Variants in HS3ST5 observed in about 807,000 individuals in gnomAD.
The protein encoded by HS3ST5 is heparan sulfate glucosamine 3-O-sulfotransferase 5.
HS3ST5 carries 10 observed loss-of-function variants against 25.4 expected under a neutral mutation model. That is an observed-to-expected ratio of 0.39 (90% CI 0.24 to 0.67). The LOEUF (loss-of-function observed/expected upper bound fraction) is 0.67. Among genes scored for constraint, HS3ST5 ranks in the 30% least tolerant of loss-of-function variants. The pLI is 0.44. For synonymous variants in HS3ST5, 170 were observed against 162.4 expected, an observed-to-expected ratio of 1.05 and a Z score of -0.36; for missense variants, 324 against 420.7, an observed-to-expected ratio of 0.77 and a Z score of 2.01.
intron 3 of HS3ST5, among the ~76,000 whole-genome samples, chr6:114,104,153 T>C (rs917004806): frequency 2.0e-5 from 3 of 152,162 alleles, no homozygotes; most frequent in African/African-American, 7.2e-5. Flanking sequence ...GACAGATAAG[T>C]GACAGGTCTT....
intron 3 of HS3ST5, among the ~76,000 whole-genome samples, chr6:114,130,457 G>A (rs1777270468): frequency 6.6e-6 from 1 of 152,234 alleles, no homozygotes. Flanking sequence ...AAAATCTGGG[G>A]TGGGAGATGG....
intron 1 of HS3ST5, among the ~76,000 whole-genome samples, chr6:114,293,552 T>A (rs1774677851): frequency 6.6e-6 from 1 of 152,158 alleles, no homozygotes; most frequent in African/African-American, 2.4e-5. Flanking sequence ...GAGTAGGAAG[T>A]GACAAGGTCC....
rs182820420 is a variant in HS3ST5, at chr6:114,138,267, C to T, written c.-33+30084G>A. 3.9e-3 allele frequency among the ~76,000 whole-genome samples: 589 copies of T among 152,250 alleles called. 6 individuals carry two copies. The highest frequency in any genetic ancestry group is 3.0e-3 in the Non-Finnish European group (202 of 68,010). On this transcript the variant is annotated intron_variant, in intron 3 of 4. Transcript: ENST00000312719. ...GATCTCATAAAGTGATGGATATTGC[C>T]TTCATCTGTTGACTTGAAAAAATCA...
In HS3ST5 at chr6:114,195,886, A is replaced by G. The variant is rs115741474; in HGVS notation, c.-144-27424T>C. ...AGGCCTTGTCTAAGACATGCCCTCA[A>G]TGGAAAATTCCATCCTCTAATACAT... On this transcript the variant is annotated intron_variant, in intron 2 of 4. Transcript: ENST00000312719. Among the ~76,000 whole-genome samples the G allele has an allele frequency of 5.7e-3, 872 of 152,264 alleles. 7 individuals carry two copies. Among genetic ancestry groups the G allele is most frequent in the African/African-American group, 0.02 (837 of 41,562 alleles).
chr6:114,238,013 T>G (rs1771936971), intron 1 of HS3ST5, among the ~76,000 whole-genome samples: 1 of 152,232 alleles, frequency 6.6e-6, no homozygotes, highest in Admixed American at 6.5e-5. Context: ...AATCCTAAGC[T>G]TTTAAAAATT....
chr6:114,314,628 T>C (rs1775675448), intron 1 of HS3ST5, among the ~76,000 whole-genome samples: 1 of 152,220 alleles, frequency 6.6e-6, no homozygotes, highest in African/African-American at 2.4e-5. Flanking sequence ...CTTTTGTGTG[T>C]ATGCTCTTTT....
chr6:114,231,483 T>G (rs1771587263), intron 1 of HS3ST5: 1 of 152,202 alleles, frequency 6.6e-6, no homozygotes, highest in Non-Finnish European at 1.5e-5. Flanking sequence ...TCTCAGGCAT[T>G]TCTTTATAGC....
intron 1 of HS3ST5, among the ~76,000 whole-genome samples, chr6:114,306,254 TATACAC>T (rs1775286263): frequency 1.8e-5 from 2 of 112,736 alleles, no homozygotes; most frequent in African/African-American, 4.1e-5. Flanking sequence ...TATATATATA[TATACAC>T]ACACACACAC....
At chr6:114,281,129 C>T (rs1426683893) in intron 1 of HS3ST5, among the ~76,000 whole-genome samples, 1 of 151,930 alleles carries the variant, frequency 6.6e-6, no homozygotes, top group Non-Finnish European at 1.5e-5. Context: ...GACCATTTCC[C>T]CAAATAACGT....
intron 3 of HS3ST5, among the ~76,000 whole-genome samples, chr6:114,132,998 A>T (rs1777417114): frequency 6.6e-6 from 1 of 152,012 alleles, no homozygotes; most frequent in African/African-American, 2.4e-5. Flanking sequence ...CAACCCTCTG[A>T]TTTCATCTTT....
At chr6:114,329,783 T>C (rs1776316156) in intron 1 of HS3ST5, among the ~76,000 whole-genome samples, 2 of 152,188 alleles carry the variant, frequency 1.3e-5, no homozygotes, top group South Asian at 2.1e-4. Context: ...AACACTCCAA[T>C]AGTCCTTGTG....
At chr6:114,183,995 T>G (rs11153471) in intron 2 of HS3ST5, among the ~76,000 whole-genome samples, 32,453 of 151,402 alleles carry the variant, frequency 0.21, 3,530 homozygotes, top group East Asian at 0.25. Flanking sequence ...AATTTGCAAG[T>G]AATGAAATAG....
intron 3 of HS3ST5, among the ~76,000 whole-genome samples, chr6:114,165,393 C>T (rs994047155): frequency 1.3e-5 from 2 of 152,170 alleles, no homozygotes; most frequent in African/African-American, 4.8e-5. Context: ...GGGCTTTCTA[C>T]ATCTTTGGTC....
intron 4 of HS3ST5, among the ~76,000 whole-genome samples, chr6:114,061,071 G>C (rs1773088501): frequency 6.6e-6 from 1 of 152,054 alleles, no homozygotes; most frequent in Admixed American, 6.6e-5. Context: ...CTTTTAGAAA[G>C]CCCACCAAAC....
intron 2 of HS3ST5, among the ~76,000 whole-genome samples, chr6:114,173,584 C>T (rs1238257707): frequency 6.6e-6 from 1 of 152,152 alleles, no homozygotes; most frequent in Non-Finnish European, 1.5e-5. Context: ...GCTGGCTGGG[C>T]ACGGTGGCTC....
chr6:114,082,030 C>T (rs971356376), intron 3 of HS3ST5, among the ~76,000 whole-genome samples: 4 of 152,180 alleles, frequency 2.6e-5, no homozygotes, highest in African/African-American at 9.7e-5. Context: ...ATTTTTCCCT[C>T]CCAGCCCTTG....
At position 114,113,715 on chromosome 6, in the gene HS3ST5, G is replaced by A. The variant is rs540088412; in HGVS notation, c.-32-50838C>T. 6.6e-4 allele frequency among the ~76,000 whole-genome samples: 101 copies of A among 151,976 alleles called. 3 individuals carry two copies. In the East Asian group the frequency reaches 0.018, roughly 27 times the overall value. On this transcript the variant is annotated intron_variant, in intron 3 of 4. Transcript: ENST00000312719. ...ATTATCTGCCTGCCCCCACCAGAAT[G>A]CCTGGCATATAGTGTTTCAATAATT...
At chr6:114,122,797 G>T (rs1478289665) in intron 3 of HS3ST5, among the ~76,000 whole-genome samples, 1 of 152,142 alleles carries the variant, frequency 6.6e-6, no homozygotes, top group African/African-American at 2.4e-5. Context: ...TGACTTGTAG[G>T]TCATAACATT....
chr6:114,166,979 GA>G (rs1779243736), intron 3 of HS3ST5, among the ~76,000 whole-genome samples: 1 of 152,164 alleles, frequency 6.6e-6, no homozygotes, highest in African/African-American at 2.4e-5. Context: ...TATAAGAACA[GA>G]AAAGAATAAT....
Sources: allele counts gnomAD v4.1 joint callset (sites outside exome capture counted in the v4.1 genomes callset), GRCh38; gene constraint gnomAD v4.1.1; transcripts MANE v1.5; gene names NCBI Gene and HGNC (gene_info 2026-07-23, HGNC 2026-07-21).